Variants in SLC44A1 observed in about 807,000 individuals in gnomAD.
SLC44A1 encodes the protein solute carrier family 44 member 1, also known as choline transporter-like protein 1.
Under a neutral mutation model 79.3 loss-of-function variants are expected in SLC44A1, and 26 were observed. The ratio of observed to expected loss-of-function variants is 0.33; its 90% confidence interval spans 0.24 to 0.46. The LOEUF (loss-of-function observed/expected upper bound fraction) is 0.46. Ranked by LOEUF, SLC44A1 falls within the 20% of genes least tolerant of loss-of-function variation. The pLI is 1.00. For synonymous variants in SLC44A1, 263 were observed against 286.2 expected, an observed-to-expected ratio of 0.92 and a Z score of 0.82; for missense variants, 688 against 798.1, an observed-to-expected ratio of 0.86 and a Z score of 1.66.
chr9:105,353,030 G>T (rs1449661980), intron 5 of SLC44A1, among the ~76,000 whole-genome samples: 2 of 152,040 alleles, frequency 1.3e-5, no homozygotes, highest in Admixed American at 6.5e-5. Flanking sequence ...TTTGAATAAT[G>T]TGCCTATATA....
rs372161565 is a variant in SLC44A1 at position 105,395,682 on chromosome 9, G to T, written c.*6626G>T. ...TTAAAGGGAATATTCTGACCTTCGT[G>T]TATGAATCTGATCCACCCATCCTGT... On this transcript the variant is annotated 3_prime_UTR_variant, in exon 16 of 16. Coordinates refer to ENST00000374720, the MANE Select transcript of SLC44A1 (RefSeq NM_080546.5). 5.1e-6 allele frequency: 5 copies of T among 985,382 alleles called. No individual in the cohort carries two copies. Among genetic ancestry groups the T allele is most frequent in the Admixed American group, 6.1e-5 (1 of 16,282 alleles). The allele number at this position is 985,382 out of a possible 1,614,324, so 61.0% of individuals were successfully genotyped here. A position where few individuals can be genotyped will look rare whatever the true frequency, so the allele number is the denominator to read the frequency against.
intron 15 of SLC44A1, among the ~76,000 whole-genome samples, chr9:105,406,096 G>A (rs1829026171): frequency 6.6e-6 from 1 of 152,116 alleles, no homozygotes; most frequent in Admixed American, 6.5e-5. Context: ...CCCCCATAAA[G>A]AATGAATGTG....
At position 105,390,843 on chromosome 9, in the gene SLC44A1, C is replaced by T. The variant is rs1340812308; in HGVS notation, c.*1787C>T. 3 of 985,030 alleles carry T rather than the reference C, an allele frequency of 3.0e-6. No homozygotes were observed. Among genetic ancestry groups the T allele is most frequent in the African/African-American group, 1.8e-5 (1 of 56,994 alleles). The allele number at this position is 985,030 out of a possible 1,614,324, so 61.0% of individuals were successfully genotyped here. ...AGCAAGATCTGGGAAACCAACATTG[C>T]GAGAGTAGCTATTTTGAAAGAATAA... On this transcript the variant is annotated 3_prime_UTR_variant, in exon 16 of 16. Coordinates refer to ENST00000374720, the MANE Select transcript of SLC44A1 (RefSeq NM_080546.5).
At chr9:105,366,486 C>T (rs1004122685) in intron 12 of SLC44A1, 57 bp downstream of exon 12, 9 of 766,750 alleles carry the variant, frequency 1.2e-5, no homozygotes, top group Non-Finnish European at 1.8e-5. Context: ...TTCATTGTTT[C>T]TTCTCCCAAG....
intron 1 of SLC44A1, among the ~76,000 whole-genome samples, chr9:105,281,636 G>A (rs1487019847): frequency 1.2e-4 from 19 of 152,112 alleles, no homozygotes; most frequent in Admixed American, 1.2e-3. Flanking sequence ...GTTGACATAG[G>A]GCTTCCATCA....
At chr9:105,409,537 T>A (rs947253177) in intron 15 of SLC44A1, among the ~76,000 whole-genome samples, 1 of 152,106 alleles carries the variant, frequency 6.6e-6, no homozygotes, top group African/African-American at 2.4e-5. Context: ...GTTTTAAAAT[T>A]AGTCGGGTGT....
intron 15 of SLC44A1, among the ~76,000 whole-genome samples, chr9:105,421,083 G>A (rs148562798): frequency 7.6e-4 from 116 of 152,168 alleles, no homozygotes; most frequent in African/African-American, 2.5e-3. Context: ...TAAAAGGCAG[G>A]TGTTAAGCGT....
chr9:105,371,450 A>G (rs12339205), intron 12 of SLC44A1, among the ~76,000 whole-genome samples: 17,300 of 152,166 alleles, frequency 0.11, 2,603 homozygotes, highest in African/African-American at 0.35. Context: ...TTGGCAGGCC[A>G]GGTGCGGTGG....
intron 4 of SLC44A1, among the ~76,000 whole-genome samples, chr9:105,338,745 A>G (rs1273262382): frequency 6.6e-6 from 1 of 152,210 alleles, no homozygotes; most frequent in Non-Finnish European, 1.5e-5. Flanking sequence ...TTGAGGTGCA[A>G]GTTGATTCAA....
At chr9:105,408,315 AAAAAAAT>A (rs2131504264) in intron 15 of SLC44A1, among the ~76,000 whole-genome samples, 1 of 152,318 alleles carries the variant, frequency 6.6e-6, no homozygotes, top group South Asian at 2.1e-4. Flanking sequence ...CTAGCTATAC[AAAAAAAT>A]AAAAAATAAA....
Position 105,392,401 on chromosome 9 carries a change from CTCTTTT to C in SLC44A1, c.*3347_*3352del, listed in dbSNP as rs1274268367. The C allele has an allele frequency of 1.2e-4, 39 of 318,982 alleles. No homozygotes were observed. The highest frequency in any genetic ancestry group is 5.3e-4 in the African/African-American group (15 of 28,326). 19.8% of individuals were successfully genotyped at this position (318,982 alleles called of 1,614,324 possible). A position where few individuals can be genotyped will look rare whatever the true frequency, so the allele number is the denominator to read the frequency against. On this transcript the variant is annotated 3_prime_UTR_variant, in exon 16 of 16. Transcript: ENST00000374720. ...TTGTAGAGATGCTCTCTCTCTCTCT[CTCTTTT>C]TTTTTTTTTTTTTTTTTTTTTTTCC...
At chr9:105,300,856 A>G (rs1369673576) in intron 2 of SLC44A1, among the ~76,000 whole-genome samples, 1 of 149,080 alleles carries the variant, frequency 6.7e-6, no homozygotes, top group Non-Finnish European at 1.5e-5. Flanking sequence ...GCTCACTGCA[A>G]CCTCCACCTC....
chr9:105,345,138 T>C (rs1474327894), intron 4 of SLC44A1, among the ~76,000 whole-genome samples: 1 of 152,174 alleles, frequency 6.6e-6, no homozygotes, highest in African/African-American at 2.4e-5. Context: ...TAATCTGCAT[T>C]GTACAAAGAC....
intron 1 of SLC44A1, among the ~76,000 whole-genome samples, chr9:105,245,875 G>A (rs996924965): frequency 6.6e-6 from 1 of 152,164 alleles, no homozygotes; most frequent in Non-Finnish European, 1.5e-5. Context: ...TCGACTACTG[G>A]CCACTAATAA....
chr9:105,338,003 A>G (rs2131363925), intron 4 of SLC44A1, among the ~76,000 whole-genome samples: 1 of 152,362 alleles, frequency 6.6e-6, no homozygotes, highest in East Asian at 1.9e-4. Context: ...ACATTATTTC[A>G]GCAAACAGAC....
In SLC44A1 at chr9:105,244,674, C is replaced by T. The variant is rs1829377807; in HGVS notation, c.-195C>T. 1 of 276,608 alleles carries T rather than the reference C, an allele frequency of 3.6e-6. No individual in the cohort carries two copies. The highest frequency in any genetic ancestry group is 6.1e-5 in the East Asian group (1 of 16,292). The allele number at this position is 276,608 out of a possible 1,614,324, so 17.1% of individuals were successfully genotyped here. ...GGAGACGCGTAGCCGCCGTCGCCGC[C>T]GCCGGGGGATGTGGCCGGCGCCTGC... On this transcript the variant is annotated 5_prime_UTR_variant, in exon 1 of 16. Transcript: ENST00000374720.
At chr9:105,372,746 C>T (rs1828146390) in intron 12 of SLC44A1, among the ~76,000 whole-genome samples, 1 of 145,214 alleles carries the variant, frequency 6.9e-6, no homozygotes, top group Non-Finnish European at 1.5e-5. Context: ...GTCAGGAGAT[C>T]GAGACCATCC....
In SLC44A1 at chr9:105,309,932, GTTC is replaced by G. The variant is rs1055168113; in HGVS notation, c.269+69_269+71del. ...AAAGAGGCACAGAGAAAATCCTGCT[GTTC>G]TTGCTGTTTTAAAGATAATATCTTA... On this transcript the variant is annotated intron_variant, in intron 3 of 15. Transcript: ENST00000374720. 51 of 1,487,662 alleles carry G rather than the reference GTTC, an allele frequency of 3.4e-5. No individual in the cohort carries two copies. In the Admixed American group the frequency reaches 7.7e-4, roughly 22 times the overall value. 92.2% of individuals were successfully genotyped at this position (1,487,662 alleles called of 1,614,324 possible). A position where few individuals can be genotyped will look rare whatever the true frequency, so the allele number is the denominator to read the frequency against.
rs143048106 is a variant in SLC44A1 at position 105,404,896 on chromosome 9, CAA to C, written c.1950+19395_1950+19396del. On this transcript the variant is annotated intron_variant, in intron 15 of 15. Coordinates refer to the SLC44A1 transcript ENST00000374724. Reference sequence around the variant, plus strand: ...CATGTTTTATAGGGATTGTGTAAGACAATGATAATTTTTTCATTTCACTCATT... The same window carrying C: ...CATGTTTTATAGGGATTGTGTAAGACTGATAATTTTTTCATTTCACTCATT... Among the ~76,000 whole-genome samples the C allele has an allele frequency of 2.2e-3, 339 of 152,264 alleles. 2 individuals carry two copies. Among genetic ancestry groups the C allele is most frequent in the African/African-American group, 7.9e-3 (330 of 41,556 alleles).
Sources: allele counts gnomAD v4.1 joint callset (sites outside exome capture counted in the v4.1 genomes callset), GRCh38; gene constraint gnomAD v4.1.1; transcripts MANE v1.5; gene names NCBI Gene and HGNC (gene_info 2026-07-23, HGNC 2026-07-21).